The following SUPT3H variants were observed in gnomAD, a reference collection of about 807,000 sequenced individuals.
The protein encoded by SUPT3H is SPT3 homolog, SAGA and STAGA complex component.
A neutral mutation model predicts 44.3 loss-of-function variants in SUPT3H; 44 were observed. The observed-to-expected ratio is 0.99, with a 90% CI of 0.78 to 1.28. The LOEUF is 1.28. Ranked by LOEUF, SUPT3H falls within the 50% of genes most tolerant of loss-of-function variation. The pLI, the probability that SUPT3H is intolerant of heterozygous loss-of-function variation, is 0.00. For synonymous variants in SUPT3H, 124 were observed against 125.6 expected (o/e 0.99, Z 0.09); for missense variants, 380 against 387.1 (o/e 0.98, Z 0.15).
At chr6:45,199,459 T>C (rs1762127041) in intron 2 of SUPT3H, among the ~76,000 whole-genome samples, 1 of 150,368 alleles carries the variant, frequency 6.7e-6, no homozygotes, top group African/African-American at 2.4e-5. Context: ...TTAACTCCAT[T>C]AAGATCATTT....
chr6:45,092,235 A>T (rs1000707704), intron 3 of SUPT3H, among the ~76,000 whole-genome samples: 2 of 151,894 alleles, frequency 1.3e-5, no homozygotes, highest in African/African-American at 4.8e-5. Flanking sequence ...ACATAAAGAA[A>T]CTCTTAGATT....
chr6:45,120,417 T>TAACAAAAAAAAAAAAAA (rs1801459839), intron 2 of SUPT3H, among the ~76,000 whole-genome samples: 1 of 50,510 alleles, frequency 2.0e-5, no homozygotes, highest in African/African-American at 7.4e-5. Context: ...AGACCTTGTC[T>TAACAAAAAAAAAAAAAA]AAAAAAAAAA....
At chr6:44,895,474 C>T (rs1763993300) in intron 10 of SUPT3H, among the ~76,000 whole-genome samples, 1 of 152,126 alleles carries the variant, frequency 6.6e-6, no homozygotes, top group Non-Finnish European at 1.5e-5. Flanking sequence ...TGACCAAAGG[C>T]AGCACTGTTT....
chr6:45,009,799 C>T (rs1374218063), intron 5 of SUPT3H, among the ~76,000 whole-genome samples: 4 of 152,106 alleles, frequency 2.6e-5, no homozygotes, highest in Non-Finnish European at 5.9e-5. Flanking sequence ...AGTTCCCTCA[C>T]GACCTAGATG....
At chr6:44,899,679 T>C (rs1764664287) in intron 10 of SUPT3H, among the ~76,000 whole-genome samples, 1 of 152,130 alleles carries the variant, frequency 6.6e-6, no homozygotes, top group Non-Finnish European at 1.5e-5. Context: ...AGAGTGAGAC[T>C]CGTCTCAAAA....
intron 9 of SUPT3H, among the ~76,000 whole-genome samples, chr6:44,939,602 T>C (rs1020940380): frequency 2.0e-5 from 3 of 152,130 alleles, no homozygotes; most frequent in Non-Finnish European, 4.4e-5. Context: ...AATTCCCTAC[T>C]CCTTAATTTT....
rs183117951 is a variant in SUPT3H at position 45,068,997 on chromosome 6, A to T, written c.186+36925T>A. On this transcript the variant is annotated intron_variant, in intron 3 of 10. Coordinates refer to ENST00000371459, the MANE Select transcript of SUPT3H (RefSeq NM_003599.4). ...CTTTGCAAAAAAAAAAAAATAAAAA[A>T]AATAAAATAAAATAAAGAGTACACT... is the stretch of plus-strand genomic sequence containing the variant. Among the ~76,000 whole-genome samples, 1,375 of 151,574 alleles carry T rather than the reference A, an allele frequency of 9.1e-3. 16 individuals carry two copies. The highest frequency in any genetic ancestry group is 0.028 in the South Asian group (135 of 4,810).
At chr6:45,145,865 A>G (rs1805972775) in intron 2 of SUPT3H, among the ~76,000 whole-genome samples, 1 of 152,182 alleles carries the variant, frequency 6.6e-6, no homozygotes, top group African/African-American at 2.4e-5. Flanking sequence ...AGACATGAAT[A>G]GACAATTCCC....
chr6:44,928,980 C>T (rs1364159099), intron 10 of SUPT3H, among the ~76,000 whole-genome samples: 4 of 150,504 alleles, frequency 2.7e-5, no homozygotes, highest in South Asian at 2.1e-4. Flanking sequence ...TGAGTGGGGA[C>T]GGATGGTGTG....
chr6:44,993,657 C>A (rs182893907), intron 6 of SUPT3H, among the ~76,000 whole-genome samples: 27 of 152,240 alleles, frequency 1.8e-4, no homozygotes, highest in Non-Finnish European at 1.5e-5. Context: ...TCTACAGTTC[C>A]TATGCCAGAA....
At chr6:44,964,667 T>G (rs1425234180) in intron 6 of SUPT3H, among the ~76,000 whole-genome samples, 1 of 152,136 alleles carries the variant, frequency 6.6e-6, no homozygotes, top group East Asian at 1.9e-4. Context: ...TCCTAGTTCT[T>G]TTTTAATTCC....
intron 6 of SUPT3H, among the ~76,000 whole-genome samples, chr6:44,992,835 G>GT (rs1780775444): frequency 6.6e-6 from 1 of 152,086 alleles, no homozygotes. Flanking sequence ...AGCAACAACT[G>GT]TAAGAGATTA....
chr6:44,830,008 A>G, intron 10 of SUPT3H, 151 bp from the exon 11 acceptor site: 1 of 665,582 alleles, frequency 1.5e-6, no homozygotes, highest in African/African-American at 1.8e-5. Context: ...TGGTGGCAAA[A>G]CTATAGCAAC....
intron 2 of SUPT3H, among the ~76,000 whole-genome samples, chr6:45,299,776 T>C (rs1468059084): frequency 6.6e-6 from 1 of 151,634 alleles, no homozygotes; most frequent in South Asian, 2.1e-4. Context: ...AATTAATTAA[T>C]TAACAGTATC....
intron 2 of SUPT3H, among the ~76,000 whole-genome samples, chr6:45,127,732 CCTTTTATATTTA>C (rs1178870975): frequency 6.6e-6 from 1 of 151,932 alleles, no homozygotes; most frequent in East Asian, 1.9e-4. Context: ...TTTACTATTT[CCTTTTATATTTA>C]CTTTGGATTC....
At chr6:45,303,440 C>A (rs569098733) in intron 2 of SUPT3H, among the ~76,000 whole-genome samples, 2 of 152,014 alleles carry the variant, frequency 1.3e-5, no homozygotes, top group Admixed American at 6.6e-5. Context: ...AGCAAACAAT[C>A]CCATCAAAAA....
intron 10 of SUPT3H, among the ~76,000 whole-genome samples, chr6:44,886,785 A>C (rs1251998154): frequency 6.6e-6 from 1 of 152,172 alleles, no homozygotes; most frequent in East Asian, 1.9e-4. Context: ...TTTAAATGTA[A>C]ATGGACTAAA....
chr6:44,959,304 T>C (rs527523227), intron 7 of SUPT3H, among the ~76,000 whole-genome samples: 64 of 151,516 alleles, frequency 4.2e-4, no homozygotes, highest in African/African-American at 1.5e-3. Context: ...GAAAAAGAAA[T>C]GAAGAAAACC....
At chr6:44,958,165 T>C (rs888489162) in intron 7 of SUPT3H, among the ~76,000 whole-genome samples, 1 of 152,260 alleles carries the variant, frequency 6.6e-6, no homozygotes, top group Non-Finnish European at 1.5e-5. Flanking sequence ...ATTATTAGCA[T>C]TGTAATACTA....
Sources: allele counts gnomAD v4.1 joint callset (sites outside exome capture counted in the v4.1 genomes callset), GRCh38; gene constraint gnomAD v4.1.1; transcripts MANE v1.5; gene names NCBI Gene and HGNC (gene_info 2026-07-23, HGNC 2026-07-21).